Variants in SPOCK1 observed in about 807,000 individuals in gnomAD.
The protein encoded by SPOCK1 is testican-1.
SPOCK1 carries 23 observed loss-of-function variants against 55.3 expected under a neutral mutation model. That is an observed-to-expected ratio of 0.42 (90% CI 0.30 to 0.59). The LOEUF (loss-of-function observed/expected upper bound fraction) is 0.59, where lower values mean the gene tolerates loss of function less well. Among genes scored for constraint, SPOCK1 ranks in the 20% least tolerant of loss-of-function variants. The pLI is 0.22. For synonymous variants in SPOCK1, 226 were observed against 221.0 expected (o/e 1.02, Z -0.20); for missense variants, 499 against 552.5 (o/e 0.90, Z 0.97).
intron 5 of SPOCK1, among the ~76,000 whole-genome samples, chr5:137,085,140 G>C (rs867194541): frequency 1.3e-5 from 2 of 152,230 alleles, no homozygotes; most frequent in African/African-American, 4.8e-5. Context: ...TGAGGAGGTG[G>C]CAAGGCACCT....
intron 2 of SPOCK1, among the ~76,000 whole-genome samples, chr5:137,274,691 G>A (rs1389927688): frequency 6.6e-6 from 1 of 152,168 alleles, no homozygotes; most frequent in Admixed American, 6.5e-5. Context: ...TTAGGCCCAA[G>A]TGAAGGGAGA....
intron 3 of SPOCK1, among the ~76,000 whole-genome samples, chr5:137,160,429 ATATAT>A (rs1561631435): frequency 7.9e-6 from 1 of 126,368 alleles, no homozygotes; most frequent in Non-Finnish European, 1.6e-5. Flanking sequence ...AATATAATAT[ATATAT>A]TATATGTTGT....
chr5:137,252,598 G>C (rs895981063), intron 3 of SPOCK1, among the ~76,000 whole-genome samples: 6 of 152,188 alleles, frequency 3.9e-5, no homozygotes, highest in Non-Finnish European at 8.8e-5. Flanking sequence ...TTCCAGGGCA[G>C]GCCAGCTCAT....
intron 2 of SPOCK1, among the ~76,000 whole-genome samples, chr5:137,331,643 A>C (rs1401874058): frequency 1.3e-5 from 2 of 152,140 alleles, no homozygotes; most frequent in African/African-American, 4.8e-5. Context: ...TGAGAGGGGA[A>C]GCAAGACAGA....
At chr5:137,323,045 T>C (rs1758006068) in intron 2 of SPOCK1, among the ~76,000 whole-genome samples, 1 of 152,172 alleles carries the variant, frequency 6.6e-6, no homozygotes, top group Admixed American at 6.5e-5. Flanking sequence ...TTTCATTCAC[T>C]CCATTCTCAT....
intron 2 of SPOCK1, among the ~76,000 whole-genome samples, chr5:137,434,822 C>G (rs1752826288): frequency 6.6e-6 from 1 of 151,998 alleles, no homozygotes; most frequent in Non-Finnish European, 1.5e-5. Flanking sequence ...AGAATGTTAA[C>G]TGGTAAATAT....
intron 4 of SPOCK1, among the ~76,000 whole-genome samples, chr5:137,128,035 G>C (rs1753808704): frequency 6.6e-6 from 1 of 152,228 alleles, no homozygotes; most frequent in South Asian, 2.1e-4. Context: ...TCCCCAATGT[G>C]AGGGTATTTG....
intron 3 of SPOCK1, among the ~76,000 whole-genome samples, chr5:137,208,793 C>G (rs1217203946): frequency 6.6e-6 from 1 of 152,016 alleles, no homozygotes; most frequent in African/African-American, 2.4e-5. Context: ...TCAGGTGTAC[C>G]CCAAACCTCA....
At chr5:137,153,825 T>C (rs922899381) in intron 3 of SPOCK1, among the ~76,000 whole-genome samples, 5 of 150,572 alleles carry the variant, frequency 3.3e-5, no homozygotes, top group African/African-American at 4.9e-5. Context: ...ACCACTGCAC[T>C]CCAGCCTGGG....
chr5:137,392,894 T>A (rs1441507130), intron 2 of SPOCK1, among the ~76,000 whole-genome samples: 3 of 152,200 alleles, frequency 2.0e-5, no homozygotes, highest in African/African-American at 7.2e-5. Context: ...ACATTTACTT[T>A]TTGAGGCCCT....
intron 2 of SPOCK1, among the ~76,000 whole-genome samples, chr5:137,290,286 AC>A (rs917071454): frequency 2.6e-5 from 4 of 152,226 alleles, no homozygotes; most frequent in Admixed American, 2.0e-4. Context: ...GCTATGCATT[AC>A]CAGAGATGAT....
intron 3 of SPOCK1, among the ~76,000 whole-genome samples, chr5:137,145,777 G>C (rs1000099327): frequency 1.3e-5 from 2 of 152,168 alleles, no homozygotes; most frequent in Non-Finnish European, 2.9e-5. Context: ...TGGACAGACT[G>C]ACATCTATGG....
intron 3 of SPOCK1, among the ~76,000 whole-genome samples, chr5:137,160,666 T>TAATATATATTTTATATAATATAC (rs1754535902): frequency 3.8e-5 from 4 of 104,312 alleles, no homozygotes; most frequent in African/African-American, 1.9e-4. Flanking sequence ...ATACAATATA[T>TAATATATATTTTATATAATATAC]AATATATAAT....
intron 3 of SPOCK1, among the ~76,000 whole-genome samples, chr5:137,200,692 T>C (rs1561469863): frequency 6.6e-6 from 1 of 152,202 alleles, no homozygotes; most frequent in Non-Finnish European, 1.5e-5. Context: ...GTGATACATG[T>C]GCTGAATGTG....
chr5:137,358,456 AG>A (rs1750867979), intron 2 of SPOCK1, among the ~76,000 whole-genome samples: 1 of 17,464 alleles, frequency 5.7e-5, no homozygotes, highest in African/African-American at 2.0e-4. Flanking sequence ...GAGGGAGGGA[AG>A]GGGAGGGGAG....
At chr5:137,459,441 T>G (rs1753433334) in intron 2 of SPOCK1, among the ~76,000 whole-genome samples, 1 of 116,246 alleles carries the variant, frequency 8.6e-6, no homozygotes, top group Non-Finnish European at 1.7e-5. Flanking sequence ...AGAGAGAGGC[T>G]AATGAAAGGC....
intron 3 of SPOCK1, among the ~76,000 whole-genome samples, chr5:137,186,234 G>T (rs1250179644): frequency 1.3e-5 from 2 of 152,198 alleles, no homozygotes; most frequent in African/African-American, 4.8e-5. Flanking sequence ...TGGAGAAGTA[G>T]TACTGCTGAT....
intron 2 of SPOCK1, among the ~76,000 whole-genome samples, chr5:137,482,127 T>C (rs1753963400): frequency 6.6e-6 from 1 of 152,034 alleles, no homozygotes; most frequent in Non-Finnish European, 1.5e-5. Flanking sequence ...GAATAAAAAG[T>C]AGGGGAGGGA....
intron 5 of SPOCK1, among the ~76,000 whole-genome samples, chr5:137,070,981 A>C (rs2127007907): frequency 6.7e-6 from 1 of 149,334 alleles, no homozygotes; most frequent in Non-Finnish European, 1.5e-5. Flanking sequence ...TCAGGACAAT[A>C]TGTGGCATTT....
Sources: allele counts gnomAD v4.1 joint callset (sites outside exome capture counted in the v4.1 genomes callset), GRCh38; gene constraint gnomAD v4.1.1; transcripts MANE v1.5; gene names NCBI Gene and HGNC (gene_info 2026-07-23, HGNC 2026-07-21).